The following SPINK5 variants were observed in gnomAD, a reference collection of about 807,000 sequenced individuals.
The protein encoded by SPINK5 is serine protease inhibitor Kazal-type 5.
In SPINK5, 125 loss-of-function variants were observed where a neutral mutation model predicts 151.8. That is an observed-to-expected ratio of 0.82 (90% CI 0.71 to 0.96). The LOEUF is 0.96. Ranked by LOEUF, SPINK5 falls within the 40% of genes least tolerant of loss-of-function variation. The probability of loss-of-function intolerance (pLI) is 0.00; values close to 1 mark genes in which losing one functional copy is unlikely to be tolerated. For missense variants in SPINK5, 1,194 were observed against 1,291.9 expected (o/e 0.92, Z 1.16); for synonymous variants, 374 against 395.3 (o/e 0.95, Z 0.64).
At chr5:148,064,890 C>T (rs1752537776) in intron 1 of SPINK5, among the ~76,000 whole-genome samples, 1 of 151,996 alleles carries the variant, frequency 6.6e-6, no homozygotes, top group Admixed American at 6.6e-5. Flanking sequence ...GGAGGTAGAG[C>T]TGCCAGAATT....
intron 18 of SPINK5, among the ~76,000 whole-genome samples, chr5:148,111,277 C>T (rs77495072): frequency 0.011 from 1,606 of 152,182 alleles, 37 homozygotes; most frequent in African/African-American, 0.037. Context: ...CCATCTCGCT[C>T]TTGCAGTTTT....
At position 148,112,856 on chromosome 5, in the gene SPINK5, C is replaced by T; in HGVS notation, c.1821-12C>T. The T allele has an allele frequency of 2.5e-6, 4 of 1,613,736 alleles. No individual in the cohort carries two copies. ...GCTAGGAATGATTGTTTTGTCCTCC[C>T]TTTTCTTATAGCCAGCAAGAAGCAA... On this transcript the variant is annotated splice_polypyrimidine_tract_variant and intron_variant, in intron 19 of 32. Transcript: ENST00000256084.
chr5:148,065,235 T>TTGAACAATATGCAA, intron 1 of SPINK5, 112 bp from the exon 2 acceptor site: 1 of 1,219,658 alleles, frequency 8.2e-7, no homozygotes, highest in Non-Finnish European at 1.2e-6. Flanking sequence ...ATTTGCGGTT[T>TTGAACAATATGCAA]TACAACATAT....
chr5:148,131,632 GAA>G (rs1191388629), intron 31 of SPINK5, among the ~76,000 whole-genome samples: 1 of 151,794 alleles, frequency 6.6e-6, no homozygotes, highest in South Asian at 2.1e-4. Flanking sequence ...AGAAGAGAAA[GAA>G]AAAAAATAGT....
At chr5:148,066,001 G>T (rs1752574617) in intron 2 of SPINK5, among the ~76,000 whole-genome samples, 1 of 152,082 alleles carries the variant, frequency 6.6e-6, no homozygotes, top group Non-Finnish European at 1.5e-5. Flanking sequence ...AATAAATCAG[G>T]AGGCATAATA....
chr5:148,090,203 T>C (rs1753272841), intron 7 of SPINK5, among the ~76,000 whole-genome samples: 1 of 151,908 alleles, frequency 6.6e-6, no homozygotes, highest in South Asian at 2.1e-4. Flanking sequence ...TTCTGGCTGT[T>C]AAACAAGGTT....
rs766145108 is a variant in SPINK5, at chr5:148,133,921, C to T, written c.3186+34C>T. ...ATAAGTAGACTGGCCTCCATGGTTACGTTGTGAGGAGCACTGGGTTCTGGT... is the reference window on the plus strand; with the variant it reads ...ATAAGTAGACTGGCCTCCATGGTTATGTTGTGAGGAGCACTGGGTTCTGGT... On this transcript the variant is annotated intron_variant, in intron 32 of 32. Coordinates refer to ENST00000256084, the MANE Select transcript of SPINK5 (RefSeq NM_006846.4). 36 of 1,604,194 alleles carry T rather than the reference C, an allele frequency of 2.2e-5. No homozygotes were observed. In the Middle Eastern group the frequency reaches 1.2e-3, roughly 51 times the overall value.
Position 148,104,939 on chromosome 5 carries a change from C to A in SPINK5, c.1431-13C>A, listed in dbSNP as rs375240260. 2 of 1,605,970 alleles carry A rather than the reference C, an allele frequency of 1.2e-6. No individual in the cohort carries two copies. Among genetic ancestry groups the A allele is most frequent in the South Asian group, 1.1e-5 (1 of 89,372 alleles). ...TCCATTTCTTCTCTCTTTTTCTTTT[C>A]GGTTTCTTAAAGTCAACAAGAAGAA... On this transcript the variant is annotated splice_polypyrimidine_tract_variant and intron_variant, in intron 15 of 32. Coordinates refer to ENST00000256084, the MANE Select transcript of SPINK5 (RefSeq NM_006846.4).
intron 23 of SPINK5, 145 bp from the exon 24 acceptor site, chr5:148,118,841 G>C: frequency 2.2e-6 from 2 of 906,894 alleles, no homozygotes; most frequent in Admixed American, 2.1e-5. Context: ...AGAATCCTAG[G>C]AAGACTTTGT....
chr5:148,128,691 T>C (rs1420940608), intron 30 of SPINK5, among the ~76,000 whole-genome samples: 1 of 151,924 alleles, frequency 6.6e-6, no homozygotes, highest in East Asian at 1.9e-4. Flanking sequence ...ACCACGCTAA[T>C]TTTTTGTATT....
intron 3 of SPINK5, among the ~76,000 whole-genome samples, chr5:148,070,777 A>G (rs1752716679): frequency 6.6e-6 from 1 of 152,088 alleles, no homozygotes; most frequent in African/African-American, 2.4e-5. Context: ...TTTGACAAAG[A>G]AAGTCAGATT....
intron 23 of SPINK5, 49 bp from the exon 24 acceptor site, chr5:148,118,937 A>G: frequency 1.3e-6 from 2 of 1,583,466 alleles, no homozygotes; most frequent in Non-Finnish European, 1.7e-6. Context: ...TGCATAATCC[A>G]GGGTCAATAT....
chr5:148,110,617 A>G lies in SPINK5; in HGVS notation c.1693-1151A>G, dbSNP rs144804750. Among the ~76,000 whole-genome samples the G allele has an allele frequency of 2.4e-4, 37 of 152,222 alleles. No homozygotes were observed. In the East Asian group the frequency reaches 6.2e-3, roughly 25 times the overall value. On this transcript the variant is annotated intron_variant, in intron 18 of 32. Coordinates refer to ENST00000256084, the MANE Select transcript of SPINK5 (RefSeq NM_006846.4). ...TCTGTGCTAGTTTTCTATGGTTGCG[A>G]TAACAAATTAGCACACTTTAGTGGC...
At chr5:148,127,385 C>T (rs1259965115) in intron 30 of SPINK5, among the ~76,000 whole-genome samples, 1 of 152,140 alleles carries the variant, frequency 6.6e-6, no homozygotes, top group African/African-American at 2.4e-5. Context: ...TCAGGTGCCT[C>T]AATTCTGTAA....
chr5:148,112,498 C>G (rs1211604644), intron 19 of SPINK5, among the ~76,000 whole-genome samples: 1 of 152,024 alleles, frequency 6.6e-6, no homozygotes, highest in Non-Finnish European at 1.5e-5. Context: ...CATGGTGAAA[C>G]CCCACCTTTA....
At chr5:148,116,743 C>T (rs1003560819) in intron 22 of SPINK5, among the ~76,000 whole-genome samples, 1 of 152,210 alleles carries the variant, frequency 6.6e-6, no homozygotes, top group Non-Finnish European at 1.5e-5. Flanking sequence ...TATCAATAAT[C>T]GTTCTCATCA....
At chr5:148,108,368 C>T (rs1753834087) in intron 17 of SPINK5, among the ~76,000 whole-genome samples, 1 of 152,140 alleles carries the variant, frequency 6.6e-6, no homozygotes, top group African/African-American at 2.4e-5. Context: ...CATCATCTGA[C>T]TTAGCATCAC....
At chr5:148,091,690 CAAGTTG>C (rs1028471085) in intron 8 of SPINK5, among the ~76,000 whole-genome samples, 2 of 149,824 alleles carry the variant, frequency 1.3e-5, no homozygotes, top group African/African-American at 4.9e-5. Context: ...TAAATTGACA[CAAGTTG>C]AAGTTATTCA....
chr5:148,102,455 A>G (rs1406020714), intron 15 of SPINK5, among the ~76,000 whole-genome samples: 1 of 152,218 alleles, frequency 6.6e-6, no homozygotes, highest in Non-Finnish European at 1.5e-5. Flanking sequence ...TAATCATCAC[A>G]ATGTATACAT....
Sources: gnomAD v4.1 joint callset for allele counts (sites outside exome capture counted in the v4.1 genomes callset) on GRCh38, gnomAD v4.1.1 for gene constraint, MANE v1.5 for transcripts, NCBI Gene and HGNC (gene_info 2026-07-23, HGNC 2026-07-21) for gene names.